IFT74: variants seen among roughly 807,000 people sequenced by gnomAD.
IFT74 encodes the protein intraflagellar transport protein 74 homolog.
Under a neutral mutation model 96.7 loss-of-function variants are expected in IFT74, and 92 were observed. That is an observed-to-expected ratio of 0.95 (90% confidence interval 0.80 to 1.13). The LOEUF is 1.13. Among genes scored for constraint, IFT74 ranks in the 50% most tolerant of loss-of-function variants. The pLI is 0.00. For synonymous variants in IFT74, 223 were observed against 213.2 expected (o/e 1.05, Z -0.40); for missense variants, 811 against 698.2 (o/e 1.16, Z -1.82).
At chr9:27,007,552 A>G (rs921804915) in intron 8 of IFT74, among the ~76,000 whole-genome samples, 3 of 152,236 alleles carry the variant, frequency 2.0e-5, no homozygotes, top group African/African-American at 7.2e-5. Flanking sequence ...TTCTTCTCCA[A>G]CAGTGAAACA....
At chr9:27,011,581 A>G (rs1281370418) in intron 9 of IFT74, among the ~76,000 whole-genome samples, 1 of 152,106 alleles carries the variant, frequency 6.6e-6, no homozygotes, top group Non-Finnish European at 1.5e-5. Flanking sequence ...TTGATGTCTC[A>G]GAACATAGTG....
intron 18 of IFT74, among the ~76,000 whole-genome samples, 160 bp downstream of exon 18, chr9:27,056,619 C>T (rs1187351980): frequency 1.3e-5 from 2 of 151,950 alleles, no homozygotes; most frequent in African/African-American, 2.4e-5. Context: ...TGAATGGACT[C>T]CTGCTTTCTT....
chr9:27,012,027 C>A, intron 10 of IFT74, 59 bp downstream of exon 10: 4 of 1,044,522 alleles, frequency 3.8e-6, no homozygotes, highest in Non-Finnish European at 5.6e-6. Flanking sequence ...TTAATTCAGC[C>A]AAGTATATTA....
At chr9:26,969,801 T>C (rs540330353) in intron 2 of IFT74, among the ~76,000 whole-genome samples, 1 of 152,242 alleles carries the variant, frequency 6.6e-6, no homozygotes, top group South Asian at 2.1e-4. Flanking sequence ...CCACCTTTAA[T>C]TTCTATGTTG....
At chr9:27,035,789 A>C (rs1746456056) in intron 13 of IFT74, among the ~76,000 whole-genome samples, 1 of 152,216 alleles carries the variant, frequency 6.6e-6, no homozygotes, top group African/African-American at 2.4e-5. Context: ...AAAAATTATA[A>C]TTACAGTTTT....
rs752644039 is a variant in IFT74, at chr9:26,961,984, A to C, written c.17A>C (p.Lys6Thr). ...GAAGAAACAATGGCCAGCAATCACA[A>C]ATCTTCAGCAGCTCGCCCTGTTTCA... MASNH[K>T]SSAARPVSRG... Residue 6 changes from lysine to threonine, a missense_variant, in exon 2 of 20, where the codon AAA (lysine) becomes ACA (threonine). Physicochemically the swap from Lys to Thr is moderately conservative, Grantham distance 78. Coordinates refer to ENST00000380062, the MANE Select transcript of IFT74 (RefSeq NM_025103.4). The C allele has an allele frequency of 2.5e-6, 4 of 1,614,224 alleles. No homozygotes were observed. The Admixed American group carries it at 5.0e-5, about 20-fold the overall frequency.
At chr9:26,996,055 T>C (rs1269927316) in intron 8 of IFT74, among the ~76,000 whole-genome samples, 2 of 152,178 alleles carry the variant, frequency 1.3e-5, no homozygotes, top group African/African-American at 4.8e-5. Flanking sequence ...CTAAGACCAT[T>C]ATTGATTTAT....
At chr9:26,979,593 T>G (rs1398002886) in intron 3 of IFT74, among the ~76,000 whole-genome samples, 1 of 151,906 alleles carries the variant, frequency 6.6e-6, no homozygotes, top group African/African-American at 2.4e-5. Context: ...AGATACTACC[T>G]CTACTTCTCA....
chr9:26,974,330 C>G (rs1480325581), intron 2 of IFT74, among the ~76,000 whole-genome samples: 2 of 152,106 alleles, frequency 1.3e-5, no homozygotes, highest in Non-Finnish European at 2.9e-5. Flanking sequence ...ATTTTTGTAA[C>G]TTTTTTGAAA....
intron 1 of IFT74, among the ~76,000 whole-genome samples, chr9:26,960,970 C>A (rs1359711917): frequency 1.3e-5 from 2 of 149,148 alleles, no homozygotes; most frequent in Admixed American, 6.8e-5. Flanking sequence ...GAACTAGGTA[C>A]AAAAGACTTT....
Position 27,016,953 on chromosome 9 carries a change from A to T in IFT74, c.836A>T (p.Glu279Val). ...QVKQEAVLLHEKLYELESHRD... is the reference protein window; with the variant it reads ...QVKQEAVLLHVKLYELESHRD... ...AAACAGGAGGCGGTATTGCTGCATG[A>T]AAAACTTTATGAGTTGGAGTCCCAT... is the stretch of plus-strand genomic sequence containing the variant. Residue 279 changes from glutamate to valine, a missense_variant, in exon 11 of 20, where the codon GAA becomes GTA. Coordinates refer to ENST00000380062, the MANE Select transcript of IFT74 (RefSeq NM_025103.4). The T allele has an allele frequency of 6.2e-7, 1 of 1,611,228 alleles. No homozygotes were observed. Among genetic ancestry groups the T allele is most frequent in the South Asian group, 1.1e-5 (1 of 90,622 alleles).
upstream of IFT74, among the ~76,000 whole-genome samples, chr9:26,951,426 TGCCAAAACTTTGGG>T (rs780912956): frequency 2.0e-4 from 30 of 152,262 alleles, no homozygotes; most frequent in Non-Finnish European, 4.4e-4. Context: ...TAGACTCTGG[TGCCAAAACTTTGGG>T]CTGGTATAGC....
At chr9:26,994,208 G>A (rs1302235180) in intron 8 of IFT74, 1 of 152,114 alleles carries the variant, frequency 6.6e-6, no homozygotes, top group Non-Finnish European at 1.5e-5. Flanking sequence ...TAATCAGAGA[G>A]CAGTTTAGCT....
intron 8 of IFT74, chr9:26,995,544 G>A: frequency 1.3e-6 from 2 of 1,565,204 alleles, no homozygotes; most frequent in South Asian, 1.2e-5. Context: ...CATAATTCAT[G>A]GATATCTATA....
chr9:27,022,878 T>C (rs1829678957), intron 12 of IFT74, among the ~76,000 whole-genome samples: 1 of 152,138 alleles, frequency 6.6e-6, no homozygotes, highest in South Asian at 2.1e-4. Flanking sequence ...GACCTTGTGA[T>C]CTGCCTACCT....
chr9:27,051,150 C>A (rs1398849993), intron 16 of IFT74, among the ~76,000 whole-genome samples: 2 of 152,014 alleles, frequency 1.3e-5, no homozygotes, highest in Admixed American at 1.3e-4. Context: ...TATTACTTTT[C>A]TAAAATCCAA....
At chr9:27,060,548 T>C (rs747417696) in intron 18 of IFT74, 43 bp from the exon 19 acceptor site, 7 of 1,356,028 alleles carry the variant, frequency 5.2e-6, no homozygotes, top group Non-Finnish European at 6.2e-6. Flanking sequence ...TTTAATTGTT[T>C]TAAATATGGG....
intron 13 of IFT74, among the ~76,000 whole-genome samples, chr9:27,030,419 A>T (rs545691947): frequency 6.6e-6 from 1 of 151,734 alleles, no homozygotes; most frequent in Non-Finnish European, 1.5e-5. Flanking sequence ...GTAGTGGCGC[A>T]TGCCTGTAAT....
intron 19 of IFT74, among the ~76,000 whole-genome samples, chr9:27,061,822 A>G (rs1473861513): frequency 6.6e-6 from 1 of 152,058 alleles, no homozygotes; most frequent in Non-Finnish European, 1.5e-5. Flanking sequence ...TCCATGTTTT[A>G]GCCATTTCAA....
Sources: allele counts gnomAD v4.1 joint callset (sites outside exome capture counted in the v4.1 genomes callset), GRCh38; gene constraint gnomAD v4.1.1; transcripts MANE v1.5; gene names NCBI Gene and HGNC (gene_info 2026-07-23, HGNC 2026-07-21).